VPS13A: variants seen among roughly 807,000 people sequenced by gnomAD.
VPS13A encodes the protein vacuolar protein sorting 13 homolog A.
VPS13A carries 264 observed loss-of-function variants against 390.9 expected under a neutral mutation model. The observed-to-expected ratio is 0.68, with a 90% CI of 0.61 to 0.75. The LOEUF (loss-of-function observed/expected upper bound fraction) is 0.75. Ranked by LOEUF, VPS13A falls within the 30% of genes least tolerant of loss-of-function variation. VPS13A has a pLI of 0.00. For missense variants in VPS13A, 3,409 were observed against 3,733.9 expected (o/e 0.91, Z 2.27); for synonymous variants, 1,231 against 1,227.1 (o/e 1.00, Z -0.07).
intron 59 of VPS13A, among the ~76,000 whole-genome samples, chr9:77,363,316 A>G (rs1453109074): frequency 6.9e-6 from 1 of 145,178 alleles, no homozygotes; most frequent in Non-Finnish European, 1.5e-5. Flanking sequence ...ATATTTTGTC[A>G]TTCTTTTTCT....
intron 35 of VPS13A, among the ~76,000 whole-genome samples, chr9:77,309,001 A>T (rs1456299865): frequency 6.6e-6 from 1 of 152,220 alleles, no homozygotes; most frequent in East Asian, 1.9e-4. Context: ...AACCCCAAGC[A>T]TGAATGAAAT....
Position 77,356,726 on chromosome 9 carries a change from T to A in VPS13A, c.7665T>A (p.Val2555=). 6.2e-7 allele frequency: 1 copy of A among 1,612,134 alleles called. No homozygotes were observed. Reference sequence around the variant, plus strand: ...TTTCTTAAATAAGTTCTGATGTGGTTTGGGAAACAAAGCCCAAGAAGAAGG... The same window carrying A: ...TTTCTTAAATAAGTTCTGATGTGGTATGGGAAACAAAGCCCAAGAAGAAGG... The part of the protein sequence containing the change: ...AYIGITSSDV[V]WETKPKKKAR... The change falls in exon 55 of 72, where the codon GTT becomes GTA. Residue 2555 remains valine (V), a synonymous_variant. Transcript: ENST00000360280.
chr9:77,395,065 C>G (rs1253575025), intron 68 of VPS13A, among the ~76,000 whole-genome samples: 3 of 152,132 alleles, frequency 2.0e-5, no homozygotes, highest in Non-Finnish European at 4.4e-5. Context: ...TAATACTTTC[C>G]TTCAAGAATT....
intron 3 of VPS13A, among the ~76,000 whole-genome samples, 162 bp downstream of exon 3, chr9:77,201,569 A>G (rs986814380): frequency 6.6e-6 from 1 of 152,180 alleles, no homozygotes; most frequent in African/African-American, 2.4e-5. Context: ...ACTTAAAAAT[A>G]TTGTCCGATA....
intron 47 of VPS13A, 120 bp downstream of exon 47, chr9:77,337,657 T>C (rs1830608096): frequency 6.1e-6 from 6 of 978,614 alleles, no homozygotes; most frequent in African/African-American, 1.7e-5. Flanking sequence ...TAGTAAAGAA[T>C]AGGTAATGCA....
At position 77,198,328 on chromosome 9, in the gene VPS13A, T is replaced by G. The variant is rs545295390; in HGVS notation, c.101-1617T>G. Reference sequence around the variant, plus strand: ...CTCTGATTTTATAAACTGTCATAATTTATTGTTCTGTTATGAATGCCTGCT... The same window carrying G: ...CTCTGATTTTATAAACTGTCATAATGTATTGTTCTGTTATGAATGCCTGCT... On this transcript the variant is annotated intron_variant, in intron 1 of 71. Coordinates refer to ENST00000360280, the MANE Select transcript of VPS13A (RefSeq NM_033305.3). 1.8e-4 allele frequency among the ~76,000 whole-genome samples: 28 copies of G among 152,236 alleles called. No homozygotes were observed. The South Asian group carries it at 5.2e-3, about 28-fold the overall frequency.
intron 71 of VPS13A, among the ~76,000 whole-genome samples, chr9:77,407,986 G>T (rs186326054): frequency 6.6e-6 from 1 of 152,254 alleles, no homozygotes; most frequent in Admixed American, 6.5e-5. Flanking sequence ...CATAGCTACC[G>T]TGATTTTTTA....
At chr9:77,208,519 G>C (rs1825801396) in intron 5 of VPS13A, among the ~76,000 whole-genome samples, 2 of 152,004 alleles carry the variant, frequency 1.3e-5, no homozygotes, top group African/African-American at 4.8e-5. Flanking sequence ...AAAAAAATTA[G>C]GAACCTCAAT....
At chr9:77,209,317 A>G in intron 5 of VPS13A, 106 bp from the exon 6 acceptor site, 2 of 754,934 alleles carry the variant, frequency 2.6e-6, no homozygotes, top group African/African-American at 1.8e-5. Flanking sequence ...ATTTACATAT[A>G]TATGTATATT....
intron 52 of VPS13A, among the ~76,000 whole-genome samples, chr9:77,347,373 T>C (rs1831212076): frequency 6.6e-6 from 1 of 152,214 alleles, no homozygotes; most frequent in Non-Finnish European, 1.5e-5. Context: ...AATATTCCCT[T>C]CTTATGTAAT....
intron 68 of VPS13A, chr9:77,389,652 A>G (rs958203647): frequency 1.1e-4 from 16 of 152,144 alleles, no homozygotes; most frequent in African/African-American, 3.9e-4. Context: ...TTCGTTAAAC[A>G]TTTCTACCTT....
chr9:77,344,250 A>G lies in VPS13A; in HGVS notation c.7124A>G (p.Glu2375Gly), dbSNP rs765795347. Reference sequence around the variant, plus strand: ...AAAAGGATATATTTTAACAAGCAGGAAAATTGTATTCTATTGCGTCTAGAT... The same window carrying G: ...AAAAGGATATATTTTAACAAGCAGGGAAATTGTATTCTATTGCGTCTAGAT... ...PPKRIYFNKQ[E>G]NCILLRLDNE... The change falls in exon 51 of 72, where the codon GAA (glutamate) becomes GGA (glycine). Residue 2375 changes from glutamate (E) to glycine (G), a missense_variant. Glu to Gly is a moderately conservative substitution (Grantham distance 98). Around this residue, in one of 5 missense-constraint regions of VPS13A, gnomAD observed 2,717 missense variants for 2,917.4 expected, o/e 0.93. Transcript: ENST00000360280. 2.5e-6 allele frequency: 4 copies of G among 1,613,520 alleles called. No homozygotes were observed. The highest frequency in any genetic ancestry group is 3.4e-6 in the Non-Finnish European group (4 of 1,179,690).
chr9:77,245,296 A>G (rs988034510), intron 19 of VPS13A, among the ~76,000 whole-genome samples: 1 of 152,238 alleles, frequency 6.6e-6, no homozygotes, highest in African/African-American at 2.4e-5. Flanking sequence ...TGTAGAAGCC[A>G]GAATACTTGA....
chr9:77,293,486 C>T lies in VPS13A; in HGVS notation c.3485C>T (p.Thr1162Met), dbSNP rs140054548. Residue 1162 changes from threonine to methionine, a missense_variant, in exon 32 of 72, where the codon ACG (threonine) becomes ATG (methionine). Around this residue, in one of 5 missense-constraint regions of VPS13A, gnomAD observed 2,717 missense variants for 2,917.4 expected, o/e 0.93. Transcript: ENST00000360280. ...IVGCIEVVFV[T>M]KFLYSILAFI... is the part of the protein sequence containing the mutation. Reference sequence around the variant, plus strand: ...GGTTGCATTGAAGTAGTTTTTGTCACGAAATTTCTATATTCTATATTGGTA... The same window carrying T: ...GGTTGCATTGAAGTAGTTTTTGTCATGAAATTTCTATATTCTATATTGGTA... The T allele has an allele frequency of 8.4e-5, 134 of 1,586,390 alleles. No individual in the cohort carries two copies. The highest frequency in any genetic ancestry group is 3.0e-4 in the African/African-American group (22 of 74,208).
At chr9:77,365,860 G>C (rs1490070912) in intron 60 of VPS13A, among the ~76,000 whole-genome samples, 1 of 151,956 alleles carries the variant, frequency 6.6e-6, no homozygotes. Context: ...ATGATGATTT[G>C]TGTATTAGTT....
intron 35 of VPS13A, among the ~76,000 whole-genome samples, chr9:77,311,020 G>T (rs1829043674): frequency 6.6e-6 from 1 of 151,930 alleles, no homozygotes; most frequent in Non-Finnish European, 1.5e-5. Context: ...TGCCTCCCGG[G>T]TTCACGCCAT....
intron 68 of VPS13A, chr9:77,383,114 A>G: frequency 1.2e-6 from 1 of 852,236 alleles, no homozygotes; most frequent in Non-Finnish European, 1.4e-6. Context: ...TGTGATATTT[A>G]ATGTGATCAG....
At chr9:77,393,204 C>A (rs1446041639) in intron 68 of VPS13A, among the ~76,000 whole-genome samples, 1 of 152,204 alleles carries the variant, frequency 6.6e-6, no homozygotes, top group Non-Finnish European at 1.5e-5. Context: ...CCATAAGAAG[C>A]AATTTCTCCT....
At position 77,345,912 on chromosome 9, in the gene VPS13A, T is replaced by C. The variant is rs192128920; in HGVS notation, c.7289+770T>C. Among the ~76,000 whole-genome samples, 81 of 152,264 alleles carry C rather than the reference T, an allele frequency of 5.3e-4. 1 individual carries two copies. In the East Asian group the frequency reaches 0.012, roughly 22 times the overall value. ...AGCATTCTCTCATCTATTTAAGATGTTAAGAAAGAGGGATGCCTGTTTTTT... is the reference window on the plus strand; with the variant it reads ...AGCATTCTCTCATCTATTTAAGATGCTAAGAAAGAGGGATGCCTGTTTTTT... On this transcript the variant is annotated intron_variant, in intron 52 of 71. Coordinates refer to ENST00000360280, the MANE Select transcript of VPS13A (RefSeq NM_033305.3).
Sources: allele counts gnomAD v4.1 joint callset (sites outside exome capture counted in the v4.1 genomes callset), GRCh38; gene constraint gnomAD v4.1.1; regional missense constraint gnomAD v4.1.1; transcripts MANE v1.5; gene names NCBI Gene and HGNC (gene_info 2026-07-23, HGNC 2026-07-21).